The following PCSK6 variants were observed in gnomAD, a reference collection of about 807,000 sequenced individuals.
PCSK6 encodes proprotein convertase subtilisin/kexin type 6.
Under a neutral mutation model 123.3 loss-of-function variants are expected in PCSK6, and 85 were observed. That is an observed-to-expected ratio of 0.69 (90% CI 0.58 to 0.83). PCSK6 has a LOEUF of 0.83. Ranked by LOEUF, PCSK6 falls within the 40% of genes least tolerant of loss-of-function variation. The probability of loss-of-function intolerance (pLI) is 0.00; values close to 1 mark genes in which losing one functional copy is unlikely to be tolerated. For missense variants in PCSK6, 1,191 were observed against 1,282.3 expected (o/e 0.93, Z 1.09); for synonymous variants, 508 against 516.0 (o/e 0.98, Z 0.21).
intron 20 of PCSK6, among the ~76,000 whole-genome samples, chr15:101,310,603 C>A (rs867041865): frequency 6.6e-6 from 1 of 152,228 alleles, no homozygotes; most frequent in African/African-American, 2.4e-5. Flanking sequence ...ACCTTGCAAG[C>A]GGGTGGCAAG....
At chr15:101,311,245 G>A (rs1596165549) in intron 20 of PCSK6, among the ~76,000 whole-genome samples, 1 of 151,784 alleles carries the variant, frequency 6.6e-6, no homozygotes, top group South Asian at 2.1e-4. Flanking sequence ...TGTAAGACTG[G>A]GATTACAGGC....
chr15:101,424,849 G>A (rs79988885), intron 6 of PCSK6, among the ~76,000 whole-genome samples: 7,772 of 152,260 alleles, frequency 0.051, 238 homozygotes, highest in East Asian at 0.14. Context: ...ATGATAACAG[G>A]GATATTTTTT....
At chr15:101,466,823 T>C (rs779374283) in intron 1 of PCSK6, among the ~76,000 whole-genome samples, 3 of 152,118 alleles carry the variant, frequency 2.0e-5, no homozygotes, top group Non-Finnish European at 2.9e-5. Context: ...GGAGAGTAGA[T>C]GAGTGGCTGC....
At chr15:101,420,108 T>C (rs1029660923) in intron 6 of PCSK6, among the ~76,000 whole-genome samples, 6 of 149,986 alleles carry the variant, frequency 4.0e-5, no homozygotes, top group Admixed American at 6.7e-5. Flanking sequence ...GGAGAATTGC[T>C]TGAACCCAGG....
chr15:101,458,682 C>T (rs1266898711), intron 1 of PCSK6, among the ~76,000 whole-genome samples: 3 of 152,198 alleles, frequency 2.0e-5, no homozygotes, highest in African/African-American at 7.2e-5. Context: ...TGGCTCCTCG[C>T]TCCTTCCGAA....
chr15:101,318,433 G>T lies in PCSK6; in HGVS notation c.2466-11C>A, dbSNP rs1039081009. 5.2e-6 allele frequency: 8 copies of T among 1,548,112 alleles called. No homozygotes were observed. The highest frequency in any genetic ancestry group is 1.7e-4 in the Middle Eastern group (1 of 6,008). ...CTGCCCCGTGCAAGGCTGTTGAAAA[G>T]AAAGAGGCAGATTTCCACATCCATT... On this transcript the variant is annotated splice_polypyrimidine_tract_variant and intron_variant, in intron 18 of 21. Coordinates refer to ENST00000611716, the MANE Select transcript of PCSK6 (RefSeq NM_002570.5).
intron 10 of PCSK6, 53 bp from the exon 11 acceptor site, chr15:101,382,262 A>C (rs1054166497): frequency 7.2e-7 from 1 of 1,386,650 alleles, no homozygotes; most frequent in African/African-American, 1.4e-5. Flanking sequence ...CCAGGAAGGG[A>C]GCAAGGCTGG....
chr15:101,331,421 G>C (rs1348190817), intron 15 of PCSK6, among the ~76,000 whole-genome samples: 2 of 152,146 alleles, frequency 1.3e-5, no homozygotes. Context: ...AACCTTCCTG[G>C]ATCCTTGGGA....
chr15:101,382,148 C>G lies in PCSK6; in HGVS notation c.1476G>C (p.Lys492Asn). The G allele has an allele frequency of 6.2e-7, 1 of 1,613,016 alleles. No individual in the cohort carries two copies. Among genetic ancestry groups the G allele is most frequent in the Non-Finnish European group, 8.5e-7 (1 of 1,179,590 alleles). The change falls in exon 11 of 22, where the codon AAG (lysine) becomes AAC (asparagine). Residue 492 changes from lysine (K) to asparagine (N), a missense_variant. Lys to Asn is a moderately conservative substitution (Grantham distance 94, BLOSUM62 0). Transcript: ENST00000611716. ...TGTGCTGCGATGGCACTGCTGTCCA[C>G]TTCTTTGCCTCCACAACGAGAGCTT... The part of the protein sequence containing the change: ...DAEALVVEAK[K>N]WTAVPSQHMC...
chr15:101,439,426 G>T (rs527941964), intron 2 of PCSK6, among the ~76,000 whole-genome samples: 1 of 152,336 alleles, frequency 6.6e-6, no homozygotes, highest in Non-Finnish European at 1.5e-5. Context: ...CAGCTGGGTG[G>T]TGCTGAAAAT....
intron 1 of PCSK6, among the ~76,000 whole-genome samples, chr15:101,488,426 TA>T (rs2058071630): frequency 6.6e-6 from 1 of 152,116 alleles, no homozygotes; most frequent in African/African-American, 2.4e-5. Context: ...CCTTTGAGGG[TA>T]ATGCCGCCTT....
chr15:101,413,560 T>C (rs11636951), intron 6 of PCSK6, among the ~76,000 whole-genome samples: 23,532 of 152,114 alleles, frequency 0.15, 2,082 homozygotes, highest in Non-Finnish European at 0.2. Flanking sequence ...ACATTAAATA[T>C]TAACCATCTA....
chr15:101,444,974 C>A (rs913697788), intron 1 of PCSK6, among the ~76,000 whole-genome samples: 1 of 152,250 alleles, frequency 6.6e-6, no homozygotes, highest in African/African-American at 2.4e-5. Context: ...ACCCTGGCAG[C>A]CTTGCTGTCT....
chr15:101,304,199 A>G lies in PCSK6; in HGVS notation c.*1059T>C, dbSNP rs1276468011. On this transcript the variant is annotated 3_prime_UTR_variant, in exon 22 of 22. Coordinates refer to ENST00000611716, the MANE Select transcript of PCSK6 (RefSeq NM_002570.5). ...AATGAAAATATATGAAATATTTGTC[A>G]AAATAATTAACATCGGTAAAAATTA... 6.6e-6 allele frequency: 1 copy of G among 152,606 alleles called. No individual in the cohort carries two copies. The highest frequency in any genetic ancestry group is 1.9e-4 in the East Asian group (1 of 5,206). The allele number at this position is 152,606 out of a possible 1,614,324, so 9.5% of individuals were successfully genotyped here. A position where few individuals can be genotyped will look rare whatever the true frequency, so the allele number is the denominator to read the frequency against.
intron 19 of PCSK6, 106 bp downstream of exon 19, chr15:101,318,213 C>A (rs907142265): frequency 1.0e-5 from 8 of 772,798 alleles, no homozygotes; most frequent in Non-Finnish European, 1.5e-5. Flanking sequence ...TTTAATGCTG[C>A]AATAAATGCA....
chr15:101,347,721 G>A (rs748044944), intron 13 of PCSK6: 1 of 1,613,830 alleles, frequency 6.2e-7, no homozygotes, highest in Non-Finnish European at 8.5e-7. Flanking sequence ...ATTTCACAGA[G>A]ATTACCAAAG....
intron 13 of PCSK6, chr15:101,346,523 T>C: frequency 4.3e-6 from 1 of 230,218 alleles, no homozygotes; most frequent in East Asian, 8.6e-5. Flanking sequence ...AGAGACGTAG[T>C]TTGAACACGA....
At chr15:101,323,952 C>A (rs1282665525) in intron 17 of PCSK6, among the ~76,000 whole-genome samples, 1 of 152,170 alleles carries the variant, frequency 6.6e-6, no homozygotes, top group Admixed American at 6.5e-5. Context: ...TGAGAACTAT[C>A]CCCTGTCAAT....
Position 101,398,475 on chromosome 15 carries a change from C to T in PCSK6, c.925G>A (p.Asp309Asn), listed in dbSNP as rs1256238652. The change falls in exon 7 of 22, where the codon GAC (aspartate) becomes AAC (asparagine). Residue 309 changes from aspartate to asparagine, a missense_variant. By Grantham distance (23) the Asp-to-Asn change is conservative (BLOSUM62 1). This residue lies in a region of PCSK6 where 357 missense variants were observed against 484.5 expected (regional missense o/e 0.74). Transcript: ENST00000611716. The surrounding 1 kb of genome is among the most constrained non-coding windows in gnomAD (Gnocchi z 4.6). ...CCGTCCACCGTCTTGCCGTCGTCGTCCGGCCCCCAGCTGGCACTGTAAATG... is the reference window on the plus strand; with the variant it reads ...CCGTCCACCGTCTTGCCGTCGTCGTTCGGCCCCCAGCTGGCACTGTAAATG... ...IDIYSASWGP[D>N]DDGKTVDGPG... 1 of 1,614,000 alleles carries T rather than the reference C, an allele frequency of 6.2e-7. No individual in the cohort carries two copies. The highest frequency in any genetic ancestry group is 2.2e-5 in the East Asian group (1 of 44,890).
Sources: gnomAD v4.1 joint callset for allele counts (sites outside exome capture counted in the v4.1 genomes callset) on GRCh38, gnomAD v4.1.1 for gene constraint, gnomAD v4.1.1 regional missense constraint, Gnocchi (gnomAD v3.1) non-coding constraint, MANE v1.5 for transcripts, NCBI Gene and HGNC (gene_info 2026-07-23, HGNC 2026-07-21) for gene names.